CFAP70: variants seen among roughly 807,000 people sequenced by gnomAD.
The protein encoded by CFAP70 is cilia and flagella associated protein 70.
In CFAP70, 81 loss-of-function variants were observed where a neutral mutation model predicts 137.6. That is an observed-to-expected ratio of 0.59 (90% CI 0.49 to 0.71). The LOEUF (loss-of-function observed/expected upper bound fraction) is 0.71, where lower values mean the gene tolerates loss of function less well. Ranked by LOEUF, CFAP70 falls within the 30% of genes least tolerant of loss-of-function variation. The probability of loss-of-function intolerance (pLI) is 0.00; values close to 1 mark genes in which losing one functional copy is unlikely to be tolerated. For missense variants in CFAP70, 976 were observed against 1,226.7 expected, an observed-to-expected ratio of 0.80 and a Z score of 3.05; for synonymous variants, 382 against 423.6, an observed-to-expected ratio of 0.90 and a Z score of 1.20.
At chr10:73,315,048 C>CA (rs1186314540) in intron 9 of CFAP70, among the ~76,000 whole-genome samples, 6 of 151,730 alleles carry the variant, frequency 4.0e-5, no homozygotes, top group South Asian at 4.2e-4. Flanking sequence ...ACTGTCTCTA[C>CA]AAAAAAAATT....
chr10:73,291,745 A>ACAGCAACAAGCTGAGAAAAGAT lies in CFAP70; in HGVS notation c.1905-12_1914dup (p.Cys639IlefsTer19), dbSNP rs1439175382. ...TCCAACAGGACAGCCAGGACACCAC[A>ACAGCAACAAGCTGAGAAAAGAT]CAGCAACAAGCTGAGAAAAGATCAC... On this transcript the variant is annotated frameshift_variant, in exon 18 of 27. Transcript: ENST00000310715. LOFTEE classifies it high-confidence loss of function. The ACAGCAACAAGCTGAGAAAAGAT allele has an allele frequency of 6.2e-7, 1 of 1,614,206 alleles. No individual in the cohort carries two copies. The highest frequency in any genetic ancestry group is 1.7e-5 in the Admixed American group (1 of 60,018).
chr10:73,269,826 C>T (rs1005404360), intron 24 of CFAP70, 111 bp from the exon 26 acceptor site: 7 of 590,490 alleles, frequency 1.2e-5, no homozygotes, highest in Non-Finnish European at 1.8e-5. Flanking sequence ...ATATTTTTAG[C>T]ATCAGAACTC....
intron 19 of CFAP70, among the ~76,000 whole-genome samples, chr10:73,290,059 A>G (rs1414159410): frequency 6.6e-6 from 1 of 151,926 alleles, no homozygotes; most frequent in African/African-American, 2.4e-5. Flanking sequence ...AAAAAAAAAA[A>G]AGACTTGTAG....
At chr10:73,331,334 TAGGTTAA>T in intron 7 of CFAP70, 58 bp from the exon 9 acceptor site, 1 of 1,391,206 alleles carries the variant, frequency 7.2e-7, no homozygotes, top group Non-Finnish European at 1.0e-6. Flanking sequence ...CAGTATAATT[TAGGTTAA>T]AGGGAAATAT....
rs562332241 is a variant in CFAP70 at position 73,351,429 on chromosome 10, G to GTTTGTT, written c.250+2121_250+2126dup. On this transcript the variant is annotated intron_variant, in intron 3 of 26. Transcript: ENST00000310715. ...CACTGCACCCAGTCATTGTTTTTTTGTTTGTTTTTGTTTTTGTTTTTTGAG... is the reference window on the plus strand; with the variant it reads ...CACTGCACCCAGTCATTGTTTTTTTGTTTGTTTTTGTTTTTGTTTTTGTTTTTTGAG... Among the ~76,000 whole-genome samples the GTTTGTT allele has an allele frequency of 1.7e-3, 249 of 148,610 alleles. 2 individuals carry two copies. Among genetic ancestry groups the GTTTGTT allele is most frequent in the African/African-American group, 5.7e-3 (231 of 40,468 alleles).
intron 19 of CFAP70, among the ~76,000 whole-genome samples, chr10:73,290,644 C>T (rs1388615412): frequency 2.0e-5 from 3 of 152,046 alleles, no homozygotes; most frequent in Non-Finnish European, 4.4e-5. Context: ...ACACATACCA[C>T]ACAGAATGAC....
intron 24 of CFAP70, among the ~76,000 whole-genome samples, chr10:73,272,081 T>C (rs1171079436): frequency 2.0e-5 from 3 of 152,174 alleles, no homozygotes; most frequent in Non-Finnish European, 4.4e-5. Context: ...GTGAGGTGGC[T>C]CACACCTGTA....
At chr10:73,348,375 T>C in intron 4 of CFAP70, 48 bp downstream of exon 4, 1 of 1,577,272 alleles carries the variant, frequency 6.3e-7, no homozygotes, top group East Asian at 2.2e-5. Flanking sequence ...TGGGGCTAAG[T>C]TTTATGAGCT....
At chr10:73,348,121 C>T in intron 4 of CFAP70, 35 bp downstream of exon 5, 1 of 1,582,792 alleles carries the variant, frequency 6.3e-7, no homozygotes, top group Non-Finnish European at 8.7e-7. Context: ...CATTGAATGG[C>T]AGGCTGAAAT....
chr10:73,359,894 C>G (rs2054939502), upstream of CFAP70, among the ~76,000 whole-genome samples: 1 of 148,800 alleles, frequency 6.7e-6, no homozygotes, highest in African/African-American at 2.6e-5. Flanking sequence ...GTGAAACACA[C>G]TAAAAAAAAA....
chr10:73,266,018 C>A (rs1439844791), intron 25 of CFAP70, among the ~76,000 whole-genome samples: 4 of 152,066 alleles, frequency 2.6e-5, no homozygotes, highest in Admixed American at 2.0e-4. Context: ...TTTATGTCAT[C>A]AGAACTTCCT....
intron 7 of CFAP70, among the ~76,000 whole-genome samples, chr10:73,332,010 T>C (rs980392230): frequency 1.3e-5 from 2 of 152,308 alleles, no homozygotes; most frequent in African/African-American, 4.8e-5. Flanking sequence ...GTTGATCGAA[T>C]TGAAATAAAT....
rs750904522 is a variant in CFAP70, at chr10:73,299,060, TC to T, written c.1358del (p.Arg453LysfsTer4). The T allele has an allele frequency of 1.9e-6, 3 of 1,613,920 alleles. No individual in the cohort carries two copies. Among genetic ancestry groups the T allele is most frequent in the Non-Finnish European group, 2.5e-6 (3 of 1,179,940 alleles). On this transcript the variant is annotated frameshift_variant, in exon 14 of 27. Transcript: ENST00000310715. LOFTEE classifies it high-confidence loss of function. ...TTCTGTAGTATTCATCTAGAATGGC[TC>T]TAGAAATATTCTTGATCTGTATGTG...
rs752363748 is a variant in CFAP70 at position 73,256,466 on chromosome 10, G to C, written c.3028-50C>G. On this transcript the variant is annotated intron_variant, in intron 25 of 26. Coordinates refer to ENST00000310715, the Ensembl canonical transcript of CFAP70. ...ATGATGACAGGTCATAAACATTATGGTAAGGAAAATACATTGCCTCAGCTA... is the reference window on the plus strand; with the variant it reads ...ATGATGACAGGTCATAAACATTATGCTAAGGAAAATACATTGCCTCAGCTA... 43 of 1,607,590 alleles carry C rather than the reference G, an allele frequency of 2.7e-5. 1 individual carries two copies. In the South Asian group the frequency reaches 4.4e-4, roughly 16 times the overall value.
intron 19 of CFAP70, among the ~76,000 whole-genome samples, chr10:73,284,363 T>A (rs2047486276): frequency 6.6e-6 from 1 of 152,080 alleles, no homozygotes; most frequent in African/African-American, 2.4e-5. Context: ...ACCCAGACAA[T>A]CCAAGATAAT....
chr10:73,257,061 G>A (rs182749359), intron 25 of CFAP70, among the ~76,000 whole-genome samples: 15 of 152,026 alleles, frequency 9.9e-5, no homozygotes, highest in South Asian at 2.1e-4. Flanking sequence ...TTACCACTCC[G>A]TACTATGTGA....
chr10:73,258,189 G>C (rs1012513913), intron 25 of CFAP70, among the ~76,000 whole-genome samples: 3 of 152,222 alleles, frequency 2.0e-5, no homozygotes, highest in African/African-American at 7.2e-5. Context: ...GTCTTCATCA[G>C]TGCTTGTTGT....
chr10:73,271,850 C>T (rs530378285), intron 24 of CFAP70, among the ~76,000 whole-genome samples: 1 of 152,230 alleles, frequency 6.6e-6, no homozygotes, highest in East Asian at 1.9e-4. Flanking sequence ...CAGGCACATG[C>T]CACCATGCCT....
chr10:73,302,947 C>A (rs536586701), intron 12 of CFAP70, among the ~76,000 whole-genome samples: 1 of 146,088 alleles, frequency 6.8e-6, no homozygotes, highest in African/African-American at 2.6e-5. Flanking sequence ...GTGGCATGAT[C>A]ATAGCTCACT....
Sources: gnomAD v4.1 joint callset for allele counts (sites outside exome capture counted in the v4.1 genomes callset) on GRCh38, gnomAD v4.1.1 for gene constraint, MANE v1.5 for transcripts, NCBI Gene and HGNC (gene_info 2026-07-23, HGNC 2026-07-21) for gene names.